CACNA2D4: variants seen among roughly 807,000 people sequenced by gnomAD.
The protein encoded by CACNA2D4 is calcium voltage-gated channel auxiliary subunit alpha2delta 4, also known as voltage-dependent calcium channel subunit alpha-2/delta-4.
CACNA2D4 carries 157 observed loss-of-function variants against 163.8 expected under a neutral mutation model. That is an observed-to-expected ratio of 0.96 (90% CI 0.84 to 1.09). The LOEUF is 1.09. Among genes scored for constraint, CACNA2D4 ranks in the 50% least tolerant of loss-of-function variants. The pLI, the probability that CACNA2D4 is intolerant of heterozygous loss-of-function variation, is 0.00. For synonymous variants in CACNA2D4, 598 were observed against 586.9 expected (o/e 1.02, Z -0.27); for missense variants, 1,410 against 1,479.9 (o/e 0.95, Z 0.78).
In CACNA2D4 at chr12:1,793,686, GCA is replaced by G; in HGVS notation, c.3381_3382del (p.Ala1128LeufsTer22). ...CAGGAGTTGGGGCAGTAGCCCCCAG[GCA>G]CACACAGGCAGCAGGAGTAGGGGCG... On this transcript the variant is annotated frameshift_variant, in exon 38 of 38. Coordinates refer to ENST00000382722, the MANE Select transcript of CACNA2D4 (RefSeq NM_172364.5). LOFTEE classifies it high-confidence loss of function. The G allele has an allele frequency of 6.2e-7, 1 of 1,613,866 alleles. No homozygotes were observed. The highest frequency in any genetic ancestry group is 2.2e-5 in the East Asian group (1 of 44,888).
intron 31 of CACNA2D4, 59 bp from the exon 32 acceptor site, chr12:1,800,497 C>A (rs570591724): frequency 1.9e-5 from 29 of 1,545,210 alleles, no homozygotes; most frequent in Admixed American, 1.2e-4. Flanking sequence ...GGTGCCCCCC[C>A]CCCACCACCA....
chr12:1,823,314 C>T (rs1378850517), intron 26 of CACNA2D4: 2 of 152,346 alleles, frequency 1.3e-5, no homozygotes, highest in African/African-American at 4.8e-5. Context: ...GAGTCTGAGA[C>T]TGATTAATTA....
rs146740554 is a variant in CACNA2D4 at position 1,869,217 on chromosome 12, C to T, written c.1878+5387G>A. Among the ~76,000 whole-genome samples the T allele has an allele frequency of 2.3e-4, 35 of 152,314 alleles. No individual in the cohort carries two copies. The highest frequency in any genetic ancestry group is 6.3e-4 in the African/African-American group (26 of 41,574). On this transcript the variant is annotated intron_variant, in intron 18 of 37. Coordinates refer to ENST00000382722, the MANE Select transcript of CACNA2D4 (RefSeq NM_172364.5). This position sits in a 1 kb window ranked among gnomAD's most constrained non-coding sequence, Gnocchi z 4.7. ...CCAGACTCAATGCCCAGTGTGGTTT[C>T]GAGTCAGGGTCAGCCAAAGAGAAGT...
chr12:1,813,591 T>C (rs1186847314), intron 26 of CACNA2D4, among the ~76,000 whole-genome samples: 1 of 152,218 alleles, frequency 6.6e-6, no homozygotes, highest in African/African-American at 2.4e-5. Context: ...ACAGTGTTGT[T>C]CTAGAGCTCA....
At chr12:1,861,291 G>A (rs1865519527) in intron 18 of CACNA2D4, among the ~76,000 whole-genome samples, 1 of 152,162 alleles carries the variant, frequency 6.6e-6, no homozygotes, top group South Asian at 2.1e-4. Context: ...CATGCCCTCT[G>A]GCTCCTCTGC....
intron 4 of CACNA2D4, among the ~76,000 whole-genome samples, chr12:1,909,283 C>A (rs1026086686): frequency 3.3e-5 from 5 of 152,240 alleles, no homozygotes; most frequent in Non-Finnish European, 2.9e-5. Flanking sequence ...GCTCCGCCTC[C>A]CGGGTTCACG....
rs1188278475 is a variant in CACNA2D4, at chr12:1,828,230, G to C, written c.2551+12509C>G. The C allele has an allele frequency of 6.6e-7, 1 of 1,511,916 alleles. No homozygotes were observed. The highest frequency in any genetic ancestry group is 1.9e-5 in the African/African-American group (1 of 51,444). 93.7% of individuals were successfully genotyped at this position (1,511,916 alleles called of 1,614,324 possible). ...GCAAGTCTCCTGTGAGTACACCCCT[G>C]GCCTCGGAGGGGGGTGCGGGTTGGG... On this transcript the variant is annotated intron_variant, in intron 26 of 37. Transcript: ENST00000382722. The surrounding 1 kb of genome is among the most constrained non-coding windows in gnomAD (Gnocchi z 4.2).
Position 1,793,521 on chromosome 12 carries a change from C to A in CACNA2D4, c.*134G>T. 1 of 758,504 alleles carries A rather than the reference C, an allele frequency of 1.3e-6. No individual in the cohort carries two copies. Among genetic ancestry groups the A allele is most frequent in the Non-Finnish European group, 2.3e-6 (1 of 429,740 alleles). 47.0% of individuals were successfully genotyped at this position (758,504 alleles called of 1,614,324 possible). On this transcript the variant is annotated 3_prime_UTR_variant, in exon 38 of 38. Coordinates refer to ENST00000382722, the MANE Select transcript of CACNA2D4 (RefSeq NM_172364.5). The stretch of plus-strand genomic sequence containing the variant: ...CAGCATTCTCCGGAGCCAGGGGCCA[C>A]CAGCCCAGGATTGAGAGGAGCGTTG...
rs1284950160 is a variant in CACNA2D4 at position 1,806,657 on chromosome 12, G to A, written c.2721+3621C>T. 2.6e-5 allele frequency among the ~76,000 whole-genome samples: 4 copies of A among 152,206 alleles called. No individual in the cohort carries two copies. Among genetic ancestry groups the A allele is most frequent in the Non-Finnish European group, 4.4e-5 (3 of 68,034 alleles). On this transcript the variant is annotated intron_variant, in intron 29 of 37. Transcript: ENST00000382722. The surrounding 1 kb of genome is among the most constrained non-coding windows in gnomAD (Gnocchi z 4.1). Reference sequence around the variant, plus strand: ...CAGCTAAAGTGCATTGAGATCCACAGCAGCCAGGAGGCCTGGGGAGGGTTC... The same window carrying A: ...CAGCTAAAGTGCATTGAGATCCACAACAGCCAGGAGGCCTGGGGAGGGTTC...
intron 6 of CACNA2D4, among the ~76,000 whole-genome samples, chr12:1,902,605 C>T (rs1376284967): frequency 5.9e-5 from 9 of 151,876 alleles, no homozygotes; most frequent in African/African-American, 1.9e-4. Flanking sequence ...AGAAAGTAAT[C>T]CCATTTACAA....
At chr12:1,835,950 C>T (rs1444047897) in intron 26 of CACNA2D4, 1 of 152,380 alleles carries the variant, frequency 6.6e-6, no homozygotes. Flanking sequence ...TGGTGGCACC[C>T]TCTGGGGAAA....
intron 11 of CACNA2D4, 145 bp from the exon 12 acceptor site, chr12:1,884,466 A>AAC: frequency 2.8e-6 from 2 of 708,460 alleles, no homozygotes; most frequent in East Asian, 5.4e-5. Flanking sequence ...CCCAGGCAGC[A>AAC]ACACAATTCG....
At chr12:1,884,046 G>A (rs12303402) in intron 12 of CACNA2D4, 197 bp downstream of exon 12, 8,288 of 554,930 alleles carry the variant, frequency 0.015, 434 homozygotes, top group African/African-American at 0.12. Flanking sequence ...AATGGGGGCA[G>A]GATGGAGACA....
chr12:1,794,186 TA>T (rs1415720198), intron 37 of CACNA2D4, among the ~76,000 whole-genome samples: 3 of 152,138 alleles, frequency 2.0e-5, no homozygotes, highest in African/African-American at 7.2e-5. Context: ...CATTCGGAAC[TA>T]AGTGTAGCGG....
At chr12:1,857,174 G>A (rs947195983) in intron 20 of CACNA2D4, among the ~76,000 whole-genome samples, 9 of 152,234 alleles carry the variant, frequency 5.9e-5, no homozygotes, top group African/African-American at 2.2e-4. Flanking sequence ...CCAGTGCTAG[G>A]ATCTGTGCTG....
In CACNA2D4 at chr12:1,875,329, C is replaced by T. The variant is rs370227454; in HGVS notation, c.1728G>A (p.Glu576=). ...TAGGTTTGGGTTTTAGTTTCTTCCC[C>T]TCTCTGTACTGGAGTGGGCAGGTCA... is the stretch of plus-strand genomic sequence containing the variant. ...SHPDLRPLYR[E]GKKLKPKPNY... Residue 576 remains glutamate (E), a synonymous_variant, in exon 17 of 38, where the codon GAG becomes GAA. Coordinates refer to ENST00000382722, the MANE Select transcript of CACNA2D4 (RefSeq NM_172364.5). This position sits in a 1 kb window ranked among gnomAD's most constrained non-coding sequence, Gnocchi z 4.0. The T allele has an allele frequency of 1.9e-6, 3 of 1,611,928 alleles. No individual in the cohort carries two copies. Among genetic ancestry groups the T allele is most frequent in the Non-Finnish European group, 2.5e-6 (3 of 1,178,154 alleles).
chr12:1,840,954 G>A, intron 25 of CACNA2D4, 135 bp from the exon 26 acceptor site: 1 of 758,340 alleles, frequency 1.3e-6, no homozygotes, highest in Non-Finnish European at 2.3e-6. Flanking sequence ...GCGAGGGTGG[G>A]GACAGGGGTT....
intron 18 of CACNA2D4, among the ~76,000 whole-genome samples, chr12:1,861,538 G>A (rs1308503664): frequency 6.6e-6 from 1 of 151,906 alleles, no homozygotes; most frequent in Admixed American, 6.6e-5. Flanking sequence ...CGCCTCCTGG[G>A]TTCAAGCAAT....
rs374673990 is a variant in CACNA2D4, at chr12:1,910,218, A to G, written c.427-253T>C. 9.2e-5 allele frequency among the ~76,000 whole-genome samples: 14 copies of G among 152,390 alleles called. 1 individual carries two copies. The highest frequency in any genetic ancestry group is 3.3e-4 in the Admixed American group (5 of 15,312). ...CAGAGGCCATGCACCTGTGATCCCA[A>G]CAACATGGCATTCTGGAAAAGGCAA... On this transcript the variant is annotated intron_variant, in intron 3 of 37. Transcript: ENST00000382722.
Sources: gnomAD v4.1 joint callset for allele counts (sites outside exome capture counted in the v4.1 genomes callset) on GRCh38, gnomAD v4.1.1 for gene constraint, Gnocchi (gnomAD v3.1) non-coding constraint, MANE v1.5 for transcripts, NCBI Gene and HGNC (gene_info 2026-07-23, HGNC 2026-07-21) for gene names.